Variants in MACROD2 observed in about 807,000 individuals in gnomAD.
The protein encoded by MACROD2 is mono-ADP ribosylhydrolase 2, also known as ADP-ribose glycohydrolase MACROD2.
MACROD2 carries 36 observed loss-of-function variants against 70.4 expected under a neutral mutation model. The ratio of observed to expected loss-of-function variants is 0.51; its 90% CI spans 0.39 to 0.68. MACROD2 has a LOEUF of 0.68. Ranked by LOEUF, MACROD2 falls within the 30% of genes least tolerant of loss-of-function variation. The pLI is 0.00. For missense variants in MACROD2, 496 were observed against 538.4 expected (o/e 0.92, Z 0.78); for synonymous variants, 172 against 178.8 (o/e 0.96, Z 0.30).
chr20:15,760,412 G>C (rs887530489), intron 8 of MACROD2, among the ~76,000 whole-genome samples: 1 of 152,196 alleles, frequency 6.6e-6, no homozygotes, highest in African/African-American at 2.4e-5. Flanking sequence ...AGACAGCTGA[G>C]AAAGACACAG....
At chr20:14,997,740 G>T (rs917319481) in intron 5 of MACROD2, among the ~76,000 whole-genome samples, 10 of 152,090 alleles carry the variant, frequency 6.6e-5, no homozygotes, top group African/African-American at 2.4e-4. Flanking sequence ...AGGAGCCCTT[G>T]GGCCTTGAAT....
intron 3 of MACROD2, among the ~76,000 whole-genome samples, chr20:14,340,133 T>C (rs1208360974): frequency 6.6e-6 from 1 of 152,236 alleles, no homozygotes; most frequent in African/African-American, 2.4e-5. Context: ...GGGGATGGAA[T>C]GCTGGCAATC....
intron 17 of MACROD2, among the ~76,000 whole-genome samples, chr20:16,046,548 C>T (rs1196083712): frequency 6.6e-6 from 1 of 151,866 alleles, no homozygotes; most frequent in Non-Finnish European, 1.5e-5. Context: ...TTATTTCTTT[C>T]CTGTGTGACC....
chr20:15,545,501 A>G (rs1048201997), intron 8 of MACROD2, among the ~76,000 whole-genome samples: 1 of 152,186 alleles, frequency 6.6e-6, no homozygotes, highest in African/African-American at 2.4e-5. Flanking sequence ...TCTTGGAGTG[A>G]GTCTGTTGCA....
At chr20:14,689,428 G>T (rs2071037825) in intron 5 of MACROD2, among the ~76,000 whole-genome samples, 2 of 151,926 alleles carry the variant, frequency 1.3e-5, no homozygotes, top group South Asian at 4.2e-4. Flanking sequence ...TATATAATAG[G>T]GGTTCAAAAG....
intron 5 of MACROD2, among the ~76,000 whole-genome samples, chr20:15,001,612 AC>A (rs1385079346): frequency 6.6e-6 from 1 of 152,152 alleles, no homozygotes; most frequent in East Asian, 1.9e-4. Flanking sequence ...CAATTTGAAA[AC>A]AAAAGTTTAA....
chr20:14,700,508 T>A (rs1389624513), intron 5 of MACROD2, among the ~76,000 whole-genome samples: 1 of 147,746 alleles, frequency 6.8e-6, no homozygotes, highest in Non-Finnish European at 1.5e-5. Context: ...TCTTTGACAG[T>A]TAAGACATAT....
intron 2 of MACROD2, among the ~76,000 whole-genome samples, chr20:14,028,000 A>C (rs1001058245): frequency 3.9e-5 from 6 of 152,176 alleles, no homozygotes; most frequent in African/African-American, 1.4e-4. Context: ...ACTTCTGCTG[A>C]AGCTGCGCTC....
chr20:14,700,524 T>TG (rs1187755486), intron 5 of MACROD2, among the ~76,000 whole-genome samples: 12 of 125,500 alleles, frequency 9.6e-5, no homozygotes, highest in Admixed American at 7.7e-4. Context: ...CATATGGTGG[T>TG]GTGTGTGTGT....
At chr20:15,528,260 G>C (rs1352938178) in intron 8 of MACROD2, among the ~76,000 whole-genome samples, 3 of 152,068 alleles carry the variant, frequency 2.0e-5, no homozygotes, top group Non-Finnish European at 4.4e-5. Context: ...TCAGCCTCCT[G>C]AGTAGCTGGG....
intron 8 of MACROD2, among the ~76,000 whole-genome samples, chr20:15,801,372 A>C (rs1427755037): frequency 4.6e-5 from 7 of 151,950 alleles, no homozygotes; most frequent in Non-Finnish European, 8.8e-5. Flanking sequence ...TGACCGTCAC[A>C]GCCACTGGCT....
At chr20:14,673,146 T>G (rs2070815164) in intron 4 of MACROD2, among the ~76,000 whole-genome samples, 1 of 152,210 alleles carries the variant, frequency 6.6e-6, no homozygotes, top group Non-Finnish European at 1.5e-5. Flanking sequence ...ATGCAGACTT[T>G]TAAGGGTGGG....
intron 5 of MACROD2, among the ~76,000 whole-genome samples, chr20:14,876,269 C>G (rs1284308616): frequency 1.3e-5 from 2 of 151,706 alleles, no homozygotes; most frequent in African/African-American, 4.8e-5. Flanking sequence ...TTTATGTCTT[C>G]TTTTGAGAAA....
chr20:15,768,613 AT>A (rs1255722822), intron 8 of MACROD2, among the ~76,000 whole-genome samples: 1 of 152,166 alleles, frequency 6.6e-6, no homozygotes, highest in Non-Finnish European at 1.5e-5. Context: ...TTTACAAAAA[AT>A]ATTTTTCTTT....
chr20:14,977,423 G>A (rs1209183699), intron 5 of MACROD2, among the ~76,000 whole-genome samples: 1 of 141,960 alleles, frequency 7.0e-6, no homozygotes, highest in African/African-American at 2.6e-5. Context: ...TAATATTTAA[G>A]TACAAGAGTT....
At chr20:14,450,207 C>T (rs978869289) in intron 3 of MACROD2, among the ~76,000 whole-genome samples, 6 of 152,144 alleles carry the variant, frequency 3.9e-5, no homozygotes, top group Admixed American at 2.0e-4. Flanking sequence ...AAAAATAATA[C>T]GTCATCTAAA....
intron 2 of MACROD2, among the ~76,000 whole-genome samples, chr20:14,084,687 G>A (rs1365109031): frequency 6.6e-6 from 1 of 151,982 alleles, no homozygotes; most frequent in African/African-American, 2.4e-5. Context: ...CTGCTTGCTG[G>A]CTGTTGTGTG....
intron 8 of MACROD2, among the ~76,000 whole-genome samples, chr20:15,533,366 G>A (rs1484754270): frequency 6.6e-6 from 1 of 152,202 alleles, no homozygotes; most frequent in Non-Finnish European, 1.5e-5. Context: ...CATTAGGACA[G>A]TGCTACATAA....
intron 3 of MACROD2, among the ~76,000 whole-genome samples, chr20:14,268,008 TAATTAAC>T (rs1326351819): frequency 1.3e-5 from 2 of 152,062 alleles, no homozygotes; most frequent in Non-Finnish European, 2.9e-5. Flanking sequence ...AACTGTAACA[TAATTAAC>T]ATTTCTTATT....
Sources: allele counts gnomAD v4.1 joint callset (sites outside exome capture counted in the v4.1 genomes callset), GRCh38; gene constraint gnomAD v4.1.1; transcripts MANE v1.5; gene names NCBI Gene and HGNC (gene_info 2026-07-23, HGNC 2026-07-21).